The following SMYD3 variants were observed in gnomAD, a reference collection of about 807,000 sequenced individuals.
SMYD3 encodes the protein SET and MYND domain containing 3, also known as histone-lysine N-methyltransferase SMYD3.
In SMYD3, 36 loss-of-function variants were observed where a neutral mutation model predicts 57.7. The observed-to-expected ratio is 0.62, with a 90% CI of 0.48 to 0.82. SMYD3 has a LOEUF of 0.82. Ranked by LOEUF, SMYD3 falls within the 40% of genes least tolerant of loss-of-function variation. The pLI is 0.00. For synonymous variants in SMYD3, 211 were observed against 195.0 expected (o/e 1.08, Z -0.68); for missense variants, 515 against 538.8 (o/e 0.96, Z 0.44).
At chr1:246,284,963 C>CTT (rs35254468) in intron 5 of SMYD3, among the ~76,000 whole-genome samples, 22,243 of 145,924 alleles carry the variant, frequency 0.15, 2,137 homozygotes, top group East Asian at 0.32. Flanking sequence ...ACTGCCTTTC[C>CTT]TTTTTTTTTT....
intron 5 of SMYD3, among the ~76,000 whole-genome samples, chr1:246,046,828 A>G (rs1250293898): frequency 2.6e-5 from 4 of 151,630 alleles, no homozygotes; most frequent in Admixed American, 2.0e-4. Flanking sequence ...TAAGACAAAT[A>G]TACAAAGAAA....
chr1:246,386,091 T>C (rs1377840666), intron 1 of SMYD3, among the ~76,000 whole-genome samples: 2 of 152,184 alleles, frequency 1.3e-5, no homozygotes, highest in Non-Finnish European at 2.9e-5. Flanking sequence ...GGTTTCACCG[T>C]GCTAGCCAGG....
chr1:246,048,692 G>A (rs954174637), intron 5 of SMYD3, among the ~76,000 whole-genome samples: 1 of 151,926 alleles, frequency 6.6e-6, no homozygotes, highest in Non-Finnish European at 1.5e-5. Context: ...TAAGTTCTCT[G>A]GACCCGTTTC....
chr1:246,054,274 C>A (rs982937746), intron 5 of SMYD3, among the ~76,000 whole-genome samples: 1 of 152,080 alleles, frequency 6.6e-6, no homozygotes, highest in South Asian at 2.1e-4. Flanking sequence ...ACTACCAGGT[C>A]TTGGTGATGA....
intron 1 of SMYD3, among the ~76,000 whole-genome samples, chr1:246,371,246 T>C (rs776002948): frequency 6.6e-5 from 10 of 152,190 alleles, no homozygotes; most frequent in Non-Finnish European, 1.3e-4. Context: ...CAGCTAATCA[T>C]TGGAAATAAG....
intron 5 of SMYD3, among the ~76,000 whole-genome samples, chr1:246,069,981 A>G (rs2148378738): frequency 6.6e-6 from 1 of 152,242 alleles, no homozygotes; most frequent in Admixed American, 6.5e-5. Flanking sequence ...CCCGTCAATG[A>G]GGCAGGCTTG....
chr1:245,980,246 C>T (rs948859139), intron 5 of SMYD3, among the ~76,000 whole-genome samples: 5 of 152,182 alleles, frequency 3.3e-5, no homozygotes, highest in South Asian at 2.1e-4. Context: ...TCACCTAGGA[C>T]GGGGTCCAGG....
chr1:246,324,449 A>G (rs1374418131), intron 5 of SMYD3, among the ~76,000 whole-genome samples: 1 of 151,912 alleles, frequency 6.6e-6, no homozygotes, highest in Non-Finnish European at 1.5e-5. Context: ...GATGGGCTAA[A>G]ACATAAGCTT....
intron 3 of SMYD3, among the ~76,000 whole-genome samples, chr1:246,334,556 C>T (rs1572392936): frequency 1.3e-5 from 2 of 151,942 alleles, no homozygotes; most frequent in East Asian, 1.9e-4. Context: ...CTGGGGAATA[C>T]GAGGGGGAGG....
At chr1:245,898,201 G>A (rs1297417606) in intron 8 of SMYD3, among the ~76,000 whole-genome samples, 1 of 152,050 alleles carries the variant, frequency 6.6e-6, no homozygotes, top group African/African-American at 2.4e-5. Flanking sequence ...AGGATCATAT[G>A]GTATAAATTC....
intron 5 of SMYD3, among the ~76,000 whole-genome samples, chr1:245,935,287 A>G (rs936197609): frequency 6.6e-6 from 1 of 152,268 alleles, no homozygotes; most frequent in African/African-American, 2.4e-5. Context: ...ATAAATGGTC[A>G]AAAGATTCAT....
chr1:246,058,303 G>T (rs765146350), intron 5 of SMYD3, among the ~76,000 whole-genome samples: 12 of 152,176 alleles, frequency 7.9e-5, no homozygotes, highest in Non-Finnish European at 1.8e-4. Context: ...GAGAATGAGG[G>T]AGGCTGTGTG....
intron 10 of SMYD3, among the ~76,000 whole-genome samples, chr1:245,825,863 C>T (rs1376583166): frequency 6.7e-6 from 1 of 149,384 alleles, no homozygotes; most frequent in Non-Finnish European, 1.5e-5. Flanking sequence ...CCCAAGGTCA[C>T]TGCCTGAGTA....
At chr1:246,238,849 T>C (rs1451449928) in intron 5 of SMYD3, among the ~76,000 whole-genome samples, 1 of 152,002 alleles carries the variant, frequency 6.6e-6, no homozygotes, top group Non-Finnish European at 1.5e-5. Flanking sequence ...ACAAATAGTT[T>C]TGGCTACATG....
intron 5 of SMYD3, among the ~76,000 whole-genome samples, chr1:246,023,237 A>G (rs2059505159): frequency 6.6e-6 from 1 of 152,220 alleles, no homozygotes; most frequent in African/African-American, 2.4e-5. Context: ...CAGTGAGAAG[A>G]GTCTCAAGAG....
At chr1:245,858,169 C>T (rs890443129) in intron 10 of SMYD3, among the ~76,000 whole-genome samples, 3 of 152,198 alleles carry the variant, frequency 2.0e-5, no homozygotes, top group African/African-American at 7.2e-5. Flanking sequence ...CGTTCCTCTA[C>T]AGCTCCCCCA....
intron 10 of SMYD3, among the ~76,000 whole-genome samples, chr1:245,766,795 C>T (rs2046126293): frequency 6.6e-6 from 1 of 152,174 alleles, no homozygotes; most frequent in Non-Finnish European, 1.5e-5. Flanking sequence ...ATCTTCAGTT[C>T]TACGATGGCA....
At chr1:246,211,824 A>G (rs530508000) in intron 5 of SMYD3, among the ~76,000 whole-genome samples, 4 of 151,848 alleles carry the variant, frequency 2.6e-5, no homozygotes, top group African/African-American at 9.7e-5. Context: ...TGTGATATTT[A>G]TTTTTCATGT....
chr1:245,806,896 G>A (rs7540396), intron 10 of SMYD3, among the ~76,000 whole-genome samples: 16,240 of 121,344 alleles, frequency 0.13, 1,177 homozygotes, highest in Non-Finnish European at 0.16. Context: ...CGGCCTGGGC[G>A]ACAGAGCGAG....
Sources: allele counts gnomAD v4.1 joint callset (sites outside exome capture counted in the v4.1 genomes callset), GRCh38; gene constraint gnomAD v4.1.1; transcripts MANE v1.5; gene names NCBI Gene and HGNC (gene_info 2026-07-23, HGNC 2026-07-21).